PDE3B: variants seen among roughly 807,000 people sequenced by gnomAD.
The protein encoded by PDE3B is phosphodiesterase 3B.
A neutral mutation model predicts 116.8 loss-of-function variants in PDE3B; 66 were observed. The observed-to-expected ratio is 0.56, with a 90% CI of 0.46 to 0.69. PDE3B has a LOEUF of 0.69. Ranked by LOEUF, PDE3B falls within the 30% of genes least tolerant of loss-of-function variation. PDE3B has a pLI of 0.00. For synonymous variants in PDE3B, 595 were observed against 533.6 expected (o/e 1.12, Z -1.59); for missense variants, 1,384 against 1,368.1 (o/e 1.01, Z -0.18).
Position 14,803,961 on chromosome 11 carries a change from A to G in PDE3B, c.1433A>G (p.Asn478Ser), listed in dbSNP as rs1166850163. Reference protein sequence around the residue: ...FGISSQGCYLNGPFNSNLLTI... With the variant: ...FGISSQGCYLSGPFNSNLLTI... ...CCTTTTAGTCAAGGATGCTATCTAA[A>G]TGGGCCTTTTAATTCAAATCTACTG... Residue 478 changes from asparagine to serine, a missense_variant, in exon 5 of 16, where the codon AAT becomes AGT. Asn to Ser is a conservative substitution (Grantham distance 46). This residue lies in a region of PDE3B where 956 missense variants were observed against 806.8 expected (regional missense o/e 1.18). Transcript: ENST00000282096. 1 of 1,603,244 alleles carries G rather than the reference A, an allele frequency of 6.2e-7. No individual in the cohort carries two copies. The highest frequency in any genetic ancestry group is 8.5e-7 in the Non-Finnish European group (1 of 1,170,232).
chr11:14,734,330 C>CAA (rs1856540552), intron 1 of PDE3B, among the ~76,000 whole-genome samples: 1 of 152,204 alleles, frequency 6.6e-6, no homozygotes, highest in Admixed American at 6.5e-5. Context: ...CTCCAGCTCC[C>CAA]AAAGTGCTGG....
intron 4 of PDE3B, among the ~76,000 whole-genome samples, chr11:14,795,887 T>C (rs1161209457): frequency 1.3e-5 from 2 of 152,130 alleles, no homozygotes; most frequent in Non-Finnish European, 2.9e-5. Context: ...ATTATTATTA[T>C]CATTATACTT....
Position 14,644,312 on chromosome 11 carries a change from C to A in PDE3B, c.237C>A (p.Arg79=), listed in dbSNP as rs1192780082. 2 of 1,566,828 alleles carry A rather than the reference C, an allele frequency of 1.3e-6. No individual in the cohort carries two copies. Among genetic ancestry groups the A allele is most frequent in the Non-Finnish European group, 1.7e-6 (2 of 1,162,652 alleles). ...PRRCSPFCRA[R]LSLGALAAFV... ...GCTGCTCCCCCTTCTGCCGGGCGCG[C>A]CTCTCGCTGGGCGCCCTGGCTGCCT... Residue 79 remains arginine (R), a synonymous_variant, in exon 1 of 16, where the codon CGC becomes CGA. Transcript: ENST00000282096.
chr11:14,670,206 C>T (rs1462393826), intron 1 of PDE3B, among the ~76,000 whole-genome samples: 1 of 152,146 alleles, frequency 6.6e-6, no homozygotes, highest in Non-Finnish European at 1.5e-5. Flanking sequence ...GACTCCAGCA[C>T]TTTCCAGCTT....
At chr11:14,696,166 A>T (rs1432254277) in intron 1 of PDE3B, among the ~76,000 whole-genome samples, 1 of 152,076 alleles carries the variant, frequency 6.6e-6, no homozygotes, top group African/African-American at 2.4e-5. Flanking sequence ...CCTTGCCAGC[A>T]TTTGTTGTTT....
chr11:14,767,993 C>T (rs1162259559), intron 1 of PDE3B, among the ~76,000 whole-genome samples: 2 of 151,192 alleles, frequency 1.3e-5, no homozygotes, highest in East Asian at 3.9e-4. Context: ...ATATTTCTCA[C>T]TTTATTCTGT....
intron 2 of PDE3B, among the ~76,000 whole-genome samples, chr11:14,778,810 C>A (rs573099838): frequency 6.6e-6 from 1 of 152,176 alleles, no homozygotes; most frequent in Admixed American, 6.5e-5. Flanking sequence ...CAAAGCTGGA[C>A]GGAGAATGAC....
intron 1 of PDE3B, among the ~76,000 whole-genome samples, chr11:14,732,809 A>G (rs1188523880): frequency 6.6e-6 from 1 of 152,168 alleles, no homozygotes; most frequent in Admixed American, 6.5e-5. Flanking sequence ...AAAGCCATGT[A>G]TATAAGTGGA....
At chr11:14,884,966 G>T in the PDE3B span, among the ~76,000 whole-genome samples, 2 of 152,028 alleles carry the variant, frequency 1.3e-5, no homozygotes, top group Admixed American at 6.6e-5. Context: ...TCTGGCCTGA[G>T]AATTCAGTCT....
chr11:14,735,995 T>TGTGTGTGTGTGA (rs1554987391), intron 1 of PDE3B, among the ~76,000 whole-genome samples: 1 of 151,436 alleles, frequency 6.6e-6, no homozygotes, highest in African/African-American at 2.4e-5. Context: ...TGTGTGTGTG[T>TGTGTGTGTGTGA]GACTCCTTAT....
intron 4 of PDE3B, among the ~76,000 whole-genome samples, chr11:14,789,722 T>C (rs1052882210): frequency 3.3e-5 from 5 of 151,974 alleles, no homozygotes; most frequent in Non-Finnish European, 5.9e-5. Flanking sequence ...AACTAATATA[T>C]TCTATATTCT....
chr11:14,653,518 T>G (rs955774308), intron 1 of PDE3B, among the ~76,000 whole-genome samples: 1 of 151,616 alleles, frequency 6.6e-6, no homozygotes, highest in African/African-American at 2.4e-5. Context: ...TGAGCCGACA[T>G]CATGCCACTA....
chr11:14,811,285 G>A (rs1859120395), intron 5 of PDE3B, among the ~76,000 whole-genome samples: 1 of 151,992 alleles, frequency 6.6e-6, no homozygotes, highest in Non-Finnish European at 1.5e-5. Flanking sequence ...TTTCTTCTAG[G>A]GTTTTTGTGG....
At chr11:14,843,781 A>AACCAGC in intron 11 of PDE3B, 46 bp from the exon 12 acceptor site, 1 of 1,459,604 alleles carries the variant, frequency 6.9e-7, no homozygotes, top group Non-Finnish European at 9.6e-7. Context: ...ATTGTGAGGA[A>AACCAGC]TTTATGTGCT....
At chr11:14,858,825 A>T (rs1227903088) in intron 12 of PDE3B, among the ~76,000 whole-genome samples, 1 of 152,202 alleles carries the variant, frequency 6.6e-6, no homozygotes, top group African/African-American at 2.4e-5. Flanking sequence ...TACTAGAGCT[A>T]TGTATGTTGG....
chr11:14,734,700 A>G (rs1171440003), intron 1 of PDE3B, among the ~76,000 whole-genome samples: 1 of 152,204 alleles, frequency 6.6e-6, no homozygotes, highest in Non-Finnish European at 1.5e-5. Context: ...AAAAATTTTA[A>G]CCATACAGAA....
rs562234611 is a variant in PDE3B, at chr11:14,656,067, T to C, written c.978+11014T>C. Among the ~76,000 whole-genome samples the C allele has an allele frequency of 4.6e-5, 7 of 152,322 alleles. No individual in the cohort carries two copies. In the East Asian group the frequency reaches 9.6e-4, roughly 21 times the overall value. On this transcript the variant is annotated intron_variant, in intron 1 of 15. Coordinates refer to ENST00000282096, the MANE Select transcript of PDE3B (RefSeq NM_000922.4). ...AATATTGGGAGCAGGGAGCCCGTTA[T>C]AATCATTTATATGAGAGACTGAGAA...
intron 4 of PDE3B, among the ~76,000 whole-genome samples, chr11:14,794,973 C>A (rs1858507911): frequency 6.6e-6 from 1 of 152,192 alleles, no homozygotes; most frequent in Non-Finnish European, 1.5e-5. Flanking sequence ...ACCTTCCTTG[C>A]TTGTGGACAT....
chr11:14,724,322 C>G (rs1045211622), intron 1 of PDE3B, among the ~76,000 whole-genome samples: 4 of 152,068 alleles, frequency 2.6e-5, no homozygotes, highest in Admixed American at 2.6e-4. Flanking sequence ...GGAAGGGGGA[C>G]ACATTTGGTG....
Sources: gnomAD v4.1 joint callset for allele counts (sites outside exome capture counted in the v4.1 genomes callset) on GRCh38, gnomAD v4.1.1 for gene constraint, gnomAD v4.1.1 regional missense constraint, MANE v1.5 for transcripts, NCBI Gene and HGNC (gene_info 2026-07-23, HGNC 2026-07-21) for gene names.